The following DTNA variants were observed in gnomAD, a reference collection of about 807,000 sequenced individuals.
DTNA encodes dystrobrevin alpha, also known as dystrophin-related protein 3.
Under a neutral mutation model 100.7 loss-of-function variants are expected in DTNA, and 43 were observed. The observed-to-expected ratio is 0.43, with a 90% CI of 0.33 to 0.55. The LOEUF (loss-of-function observed/expected upper bound fraction) is 0.55, where lower values mean the gene tolerates loss of function less well. DTNA is among the 20% of genes least tolerant of loss of function. The pLI is 0.04. For synonymous variants in DTNA, 349 were observed against 347.9 expected (o/e 1.00, Z -0.04); for missense variants, 798 against 953.9 (o/e 0.84, Z 2.15).
chr18:34,878,905 A>G (rs1289672184), intron 19 of DTNA, among the ~76,000 whole-genome samples: 1 of 152,202 alleles, frequency 6.6e-6, no homozygotes, highest in African/African-American at 2.4e-5. Context: ...TTCAGTTTTA[A>G]AAAAATCCTG....
At chr18:34,773,462 G>A (rs1321892479) in intron 3 of DTNA, among the ~76,000 whole-genome samples, 1 of 152,224 alleles carries the variant, frequency 6.6e-6, no homozygotes, top group African/African-American at 2.4e-5. Flanking sequence ...GAGCCAGCAG[G>A]AAAAGCAGGA....
At chr18:34,573,758 AC>A (rs940629084) in intron 1 of DTNA, among the ~76,000 whole-genome samples, 3 of 152,206 alleles carry the variant, frequency 2.0e-5, no homozygotes, top group Admixed American at 6.5e-5. Context: ...ATACATTGTT[AC>A]TAACTACAGC....
intron 10 of DTNA, among the ~76,000 whole-genome samples, chr18:34,828,418 GGAGT>G (rs2095912793): frequency 6.6e-6 from 1 of 152,160 alleles, no homozygotes; most frequent in South Asian, 2.1e-4. Context: ...AAGGAAAATT[GGAGT>G]GAGTAATTGA....
At chr18:34,530,952 A>G (rs936557230) in intron 1 of DTNA, among the ~76,000 whole-genome samples, 1 of 151,970 alleles carries the variant, frequency 6.6e-6, no homozygotes, top group Non-Finnish European at 1.5e-5. Context: ...TCCTCTCTCC[A>G]CCCAGTTACA....
At chr18:34,494,420 T>C (rs1028471624) in intron 1 of DTNA, among the ~76,000 whole-genome samples, 17 of 152,080 alleles carry the variant, frequency 1.1e-4, no homozygotes, top group African/African-American at 4.1e-4. Context: ...TTTTATAGCC[T>C]GTTGCCCACT....
At chr18:34,638,052 T>C (rs1219963502) in intron 1 of DTNA, among the ~76,000 whole-genome samples, 1 of 152,230 alleles carries the variant, frequency 6.6e-6, no homozygotes, top group African/African-American at 2.4e-5. Context: ...TTGTCTGTCC[T>C]TTGATTACTA....
At chr18:34,681,112 C>T (rs1416788930) in intron 1 of DTNA, among the ~76,000 whole-genome samples, 1 of 152,136 alleles carries the variant, frequency 6.6e-6, no homozygotes, top group East Asian at 1.9e-4. Flanking sequence ...AATTTAGCTT[C>T]TCAATTCTTT....
rs74724486 is a variant in DTNA at position 34,635,457 on chromosome 18, A to G, written c.-1-120519A>G. 8.9e-3 allele frequency among the ~76,000 whole-genome samples: 1,361 copies of G among 152,342 alleles called. 14 individuals carry two copies. The highest frequency in any genetic ancestry group is 0.031 in the African/African-American group (1,282 of 41,578). On this transcript the variant is annotated intron_variant, in intron 1 of 19. Transcript: ENST00000283365. Reference sequence around the variant, plus strand: ...CCACACTGTTTTTCATAACAGCTGTACTAGCTTACATTGAACATGTGATTG... The same window carrying G: ...CCACACTGTTTTTCATAACAGCTGTGCTAGCTTACATTGAACATGTGATTG...
chr18:34,839,800 C>T (rs2096234136), intron 13 of DTNA, among the ~76,000 whole-genome samples: 1 of 152,136 alleles, frequency 6.6e-6, no homozygotes, highest in Non-Finnish European at 1.5e-5. Flanking sequence ...GTCCTCTTTC[C>T]TCTACTATTA....
intron 1 of DTNA, among the ~76,000 whole-genome samples, chr18:34,599,001 CTT>C (rs2051230303): frequency 6.6e-6 from 1 of 152,172 alleles, no homozygotes; most frequent in Admixed American, 6.5e-5. Context: ...GGAAATATAA[CTT>C]ATTAATTCCA....
chr18:34,818,765 C>G (rs1295369902), intron 8 of DTNA: 2 of 556,442 alleles, frequency 3.6e-6, no homozygotes, highest in African/African-American at 4.0e-5. Flanking sequence ...ATTAAAGAAA[C>G]AAGTATGAGA....
intron 8 of DTNA, 22 bp from the exon 9 acceptor site, chr18:34,820,769 C>G (rs376628897): frequency 3.0e-5 from 48 of 1,613,934 alleles, no homozygotes; most frequent in Non-Finnish European, 3.7e-5. Context: ...GTTGTCACTT[C>G]TGCCTTCCTT....
chr18:34,662,183 T>C (rs1424339385), intron 1 of DTNA, among the ~76,000 whole-genome samples: 1 of 150,008 alleles, frequency 6.7e-6, no homozygotes, highest in African/African-American at 2.4e-5. Context: ...AAGAATAACA[T>C]AGCAAGCAAG....
chr18:34,519,238 G>A (rs959426678), intron 1 of DTNA, among the ~76,000 whole-genome samples: 3 of 152,230 alleles, frequency 2.0e-5, no homozygotes, highest in African/African-American at 7.2e-5. Context: ...GCTTGTGGGA[G>A]AATTTCATGG....
intron 1 of DTNA, among the ~76,000 whole-genome samples, chr18:34,624,647 A>C (rs1005474177): frequency 5.9e-5 from 9 of 152,240 alleles, no homozygotes; most frequent in Admixed American, 1.3e-4. Flanking sequence ...ATAGAAACTT[A>C]ATTAGCAAGT....
intron 1 of DTNA, among the ~76,000 whole-genome samples, chr18:34,510,069 T>G (rs887807060): frequency 6.9e-6 from 1 of 144,960 alleles, no homozygotes; most frequent in Admixed American, 6.9e-5. Context: ...GAGTGTAATT[T>G]TGTGTGTGTG....
chr18:34,798,881 C>T (rs2095098346), intron 4 of DTNA, among the ~76,000 whole-genome samples: 1 of 152,144 alleles, frequency 6.6e-6, no homozygotes, highest in South Asian at 2.1e-4. Context: ...GGTCATACAG[C>T]ATCATACTAA....
chr18:34,556,919 C>T (rs2046120228), intron 1 of DTNA, among the ~76,000 whole-genome samples: 1 of 147,708 alleles, frequency 6.8e-6, no homozygotes, highest in South Asian at 2.1e-4. Flanking sequence ...CATTGGCCTG[C>T]CTTGCTAGAT....
intron 16 of DTNA, among the ~76,000 whole-genome samples, chr18:34,860,210 C>CTAATTT (rs952754469): frequency 7.7e-6 from 1 of 130,356 alleles, no homozygotes; most frequent in African/African-American, 2.9e-5. Flanking sequence ...CCACGCCCGG[C>CTAATTT]TAATTTTTTG....
Sources: gnomAD v4.1 joint callset for allele counts (sites outside exome capture counted in the v4.1 genomes callset) on GRCh38, gnomAD v4.1.1 for gene constraint, MANE v1.5 for transcripts, NCBI Gene and HGNC (gene_info 2026-07-23, HGNC 2026-07-21) for gene names.